Variants in MRPL45 observed in about 807,000 individuals in gnomAD.
The protein encoded by MRPL45 is large ribosomal subunit protein mL45.
Under a neutral mutation model 38.1 loss-of-function variants are expected in MRPL45, and 20 were observed. The ratio of observed to expected loss-of-function variants is 0.53; its 90% CI spans 0.37 to 0.76. The LOEUF is 0.76. Ranked by LOEUF, MRPL45 falls within the 30% of genes least tolerant of loss-of-function variation. MRPL45 has a pLI of 0.00. For missense variants in MRPL45, 337 were observed against 395.6 expected, an observed-to-expected ratio of 0.85 and a Z score of 1.26; for synonymous variants, 105 against 128.8, an observed-to-expected ratio of 0.82 and a Z score of 1.25.
intron 3 of MRPL45, among the ~76,000 whole-genome samples, chr17:38,300,915 C>T (rs1449861600): frequency 2.0e-5 from 3 of 152,032 alleles, no homozygotes; most frequent in Non-Finnish European, 4.4e-5. Flanking sequence ...CATTGCACTC[C>T]AGCCTGGGCA....
At chr17:38,318,071 C>T (rs2037191928) in intron 4 of MRPL45, among the ~76,000 whole-genome samples, 1 of 151,578 alleles carries the variant, frequency 6.6e-6, no homozygotes, top group Non-Finnish European at 1.5e-5. Context: ...AGGTGGGCGT[C>T]ATGACGTGCA....
At chr17:38,310,770 C>T (rs576765462) in intron 4 of MRPL45, among the ~76,000 whole-genome samples, 2 of 152,224 alleles carry the variant, frequency 1.3e-5, no homozygotes, top group African/African-American at 4.8e-5. Flanking sequence ...GGACTTAGTA[C>T]ATGCCACCAT....
intron 3 of MRPL45, among the ~76,000 whole-genome samples, chr17:38,302,023 C>G (rs898995759): frequency 7.0e-6 from 1 of 143,762 alleles, no homozygotes; most frequent in Admixed American, 7.7e-5. Flanking sequence ...AGGCTGAGGC[C>G]GGAGAATGGT....
intron 3 of MRPL45, among the ~76,000 whole-genome samples, chr17:38,302,874 G>A (rs1399691041): frequency 4.0e-5 from 6 of 148,998 alleles, no homozygotes; most frequent in Non-Finnish European, 7.4e-5. Context: ...ACAGGTGTGC[G>A]CCACCATGCC....
At chr17:38,307,757 G>C (rs558486772) in intron 4 of MRPL45, among the ~76,000 whole-genome samples, 1 of 152,280 alleles carries the variant, frequency 6.6e-6, no homozygotes, top group African/African-American at 2.4e-5. Flanking sequence ...GGCATTCTTT[G>C]ATCTGTGGCT....
Position 38,322,290 on chromosome 17 carries a change from C to T in MRPL45, c.825C>T (p.Pro275=), listed in dbSNP as rs1207932999. The part of the protein sequence containing the change: ...IVPPWAPPKQ[P]ILKTVMIPGP... Reference sequence around the variant, plus strand: ...CCCCATGGGCACCCCCTAAGCAGCCCATCCTTAAGGTAAGGTGGCTTGCAT... The same window carrying T: ...CCCCATGGGCACCCCCTAAGCAGCCTATCCTTAAGGTAAGGTGGCTTGCAT... Residue 275 remains proline, a synonymous_variant, in exon 7 of 8, where the codon CCC becomes CCT. Coordinates refer to ENST00000613675, the MANE Select transcript of MRPL45 (RefSeq NM_032351.6). 2 of 1,613,864 alleles carry T rather than the reference C, an allele frequency of 1.2e-6. No homozygotes were observed. Among genetic ancestry groups the T allele is most frequent in the Non-Finnish European group, 1.7e-6 (2 of 1,179,988 alleles).
intron 4 of MRPL45, among the ~76,000 whole-genome samples, chr17:38,317,668 T>C (rs760209813): frequency 1.3e-5 from 2 of 151,846 alleles, no homozygotes; most frequent in Non-Finnish European, 2.9e-5. Flanking sequence ...GCCTCCCGGG[T>C]TCATGCCATT....
At position 38,303,314 on chromosome 17, in the gene MRPL45, T is replaced by C. The variant is rs1476658184; in HGVS notation, c.363-3219T>C. 4.1e-5 allele frequency among the ~76,000 whole-genome samples: 6 copies of C among 147,764 alleles called. No homozygotes were observed. In the South Asian group the frequency reaches 8.6e-4, roughly 21 times the overall value. ...AATTTTTTTTTTTTTTTTTTTTTTTTTGAGAGGGAGTCTCACTCTGTTGCC... is the reference window on the plus strand; with the variant it reads ...AATTTTTTTTTTTTTTTTTTTTTTTCTGAGAGGGAGTCTCACTCTGTTGCC... On this transcript the variant is annotated intron_variant, in intron 3 of 7. Coordinates refer to ENST00000613675, the MANE Select transcript of MRPL45 (RefSeq NM_032351.6).
At chr17:38,309,023 CA>C (rs2037081759) in intron 4 of MRPL45, among the ~76,000 whole-genome samples, 1 of 151,784 alleles carries the variant, frequency 6.6e-6, no homozygotes, top group Non-Finnish European at 1.5e-5. Flanking sequence ...TCTGCTGCCT[CA>C]GCCTCTTGAG....
intron 6 of MRPL45, among the ~76,000 whole-genome samples, chr17:38,321,226 C>T (rs2037226582): frequency 2.0e-5 from 3 of 152,226 alleles, no homozygotes; most frequent in Admixed American, 1.3e-4. Flanking sequence ...CCACCCACCT[C>T]AGCCTCCCAA....
Position 38,316,990 on chromosome 17 carries a change from G to T in MRPL45, c.462-1697G>T, listed in dbSNP as rs186925685. Among the ~76,000 whole-genome samples the T allele has an allele frequency of 6.5e-3, 983 of 152,044 alleles. 10 individuals are homozygous for T. The highest frequency in any genetic ancestry group is 0.021 in the African/African-American group (889 of 41,470). On this transcript the variant is annotated intron_variant, in intron 4 of 7. Coordinates refer to ENST00000613675, the MANE Select transcript of MRPL45 (RefSeq NM_032351.6). ...TTTTTGTATTTTTAGTAGGGACAGG[G>T]TTTCACCATGTTGGCCAGGATGGTC...
chr17:38,308,776 A>G (rs1171383100), intron 4 of MRPL45, among the ~76,000 whole-genome samples: 1 of 151,500 alleles, frequency 6.6e-6, no homozygotes, highest in Non-Finnish European at 1.5e-5. Context: ...GGGTTTTGCC[A>G]TGTTGGCTAG....
chr17:38,318,997 T>TTTA (rs2037203446), intron 5 of MRPL45, among the ~76,000 whole-genome samples: 32 of 127,462 alleles, frequency 2.5e-4, no homozygotes, highest in East Asian at 4.4e-4. Flanking sequence ...CCAGCTAATT[T>TTTA]TTTATTTATT....
intron 5 of MRPL45, among the ~76,000 whole-genome samples, chr17:38,320,058 G>A (rs756367605): frequency 4.6e-5 from 7 of 152,138 alleles, no homozygotes; most frequent in South Asian, 2.1e-4. Context: ...AGCCGAGACC[G>A]CGCCACTGTG....
chr17:38,305,391 C>A (rs2037041970), intron 3 of MRPL45, among the ~76,000 whole-genome samples: 1 of 144,410 alleles, frequency 6.9e-6, no homozygotes. Flanking sequence ...TGCTTGAACC[C>A]AGGAGGCAGA....
chr17:38,312,297 C>T (rs572209283), intron 4 of MRPL45, among the ~76,000 whole-genome samples: 7 of 152,236 alleles, frequency 4.6e-5, no homozygotes, highest in East Asian at 1.9e-4. Context: ...CCGCCTGCCT[C>T]GGCCTCCGTA....
intron 4 of MRPL45, among the ~76,000 whole-genome samples, chr17:38,317,372 T>C (rs1464677662): frequency 6.6e-6 from 1 of 152,138 alleles, no homozygotes; most frequent in Non-Finnish European, 1.5e-5. Flanking sequence ...ACTAATCCCT[T>C]ACCCATTCTG....
chr17:38,315,299 G>A (rs1404089606), intron 4 of MRPL45, among the ~76,000 whole-genome samples: 2 of 152,162 alleles, frequency 1.3e-5, no homozygotes, highest in East Asian at 1.9e-4. Flanking sequence ...CAGCCAGGCT[G>A]GAGTGAGCAC....
In MRPL45 at chr17:38,301,345, G is replaced by A. The variant is rs1267895757; in HGVS notation, c.362+1877G>A. On this transcript the variant is annotated intron_variant, in intron 3 of 7. Transcript: ENST00000613675. The stretch of plus-strand genomic sequence containing the variant: ...CAACCTCTGCCTTCTGGGTTGAAGC[G>A]ATTCTCCTGCCTCAGCTCCCGAGTA... 2.4e-4 allele frequency among the ~76,000 whole-genome samples: 36 copies of A among 152,034 alleles called. 1 individual carries two copies. Among genetic ancestry groups the A allele is most frequent in the Non-Finnish European group, 1.5e-5 (1 of 68,018 alleles).
Sources: gnomAD v4.1 joint callset for allele counts (sites outside exome capture counted in the v4.1 genomes callset) on GRCh38, gnomAD v4.1.1 for gene constraint, MANE v1.5 for transcripts, NCBI Gene and HGNC (gene_info 2026-07-23, HGNC 2026-07-21) for gene names.